PNPLA7: variants seen among roughly 807,000 people sequenced by gnomAD.
PNPLA7 encodes patatin-like phospholipase domain-containing protein 7.
Under a neutral mutation model 161.7 loss-of-function variants are expected in PNPLA7, and 153 were observed. The ratio of observed to expected loss-of-function variants is 0.95; its 90% CI spans 0.83 to 1.08. The LOEUF (loss-of-function observed/expected upper bound fraction) is 1.08. Among genes scored for constraint, PNPLA7 ranks in the 50% least tolerant of loss-of-function variants. The pLI, the probability that PNPLA7 is intolerant of heterozygous loss-of-function variation, is 0.00. For missense variants in PNPLA7, 1,739 were observed against 1,856.6 expected (o/e 0.94, Z 1.16); for synonymous variants, 809 against 782.1 (o/e 1.03, Z -0.57).
chr9:137,500,782 G>A lies in PNPLA7; in HGVS notation c.1666C>T (p.Leu556=). The A allele has an allele frequency of 6.2e-7, 1 of 1,611,904 alleles. No individual in the cohort carries two copies. ...AGAGGCTCCCCGGTGAGCACGGCCA[G>A]CTGGCCCACCATCTCCCCGGGGCGC... The part of the protein sequence containing the change: ...LTRPGEMVGQ[L]AVLTGEPLIF... Residue 556 remains leucine, a synonymous_variant, in exon 16 of 35, where the codon CTG becomes TTG. Coordinates refer to ENST00000406427, the MANE Select transcript of PNPLA7 (RefSeq NM_001098537.3). The surrounding 1 kb of genome is among the most constrained non-coding windows in gnomAD (Gnocchi z 5.5).
At chr9:137,528,276 T>A (rs1835400401) in intron 8 of PNPLA7, among the ~76,000 whole-genome samples, 1 of 152,174 alleles carries the variant, frequency 6.6e-6, no homozygotes, top group Non-Finnish European at 1.5e-5. Flanking sequence ...TCCATCTGCT[T>A]GCTTTGGGTT....
chr9:137,545,688 T>C (rs142100633), intron 4 of PNPLA7, among the ~76,000 whole-genome samples: 2,155 of 152,332 alleles, frequency 0.014, 35 homozygotes, highest in African/African-American at 0.048. Context: ...ATCCTCACTC[T>C]ATAATCATAG....
At position 137,490,012 on chromosome 9, in the gene PNPLA7, CCCA is replaced by C; in HGVS notation, c.2197+2998_2197+3000del. 6.6e-6 allele frequency among the ~76,000 whole-genome samples: 1 copy of C among 151,158 alleles called. No individual in the cohort carries two copies. The highest frequency in any genetic ancestry group is 1.5e-5 in the Non-Finnish European group (1 of 68,026). On this transcript the variant is annotated intron_variant, in intron 20 of 34. Transcript: ENST00000406427. This position sits in a 1 kb window ranked among gnomAD's most constrained non-coding sequence, Gnocchi z 4.1. ...ACCTACGGGTCCAAGACGAAGAAAC[CCCA>C]AACAGGACAGATCCAAAGTATTCAT...
In PNPLA7 at chr9:137,464,127, G is replaced by A. The variant is rs1266596136; in HGVS notation, c.3225C>T (p.Asp1075=). The change falls in exon 28 of 35, where the codon GAC becomes GAT. Residue 1075 remains aspartate, a splice_region_variant and synonymous_variant. Transcript: ENST00000406427. ...ITASAMRVHT[D]GSLWWYVRAS... ...GCCCTGCGCAGCAGGAGTGCTCACC[G>A]TCGGTGTGGACCCGCATGGCCGAGG... 3.7e-6 allele frequency: 6 copies of A among 1,613,362 alleles called. No individual in the cohort carries two copies. Among genetic ancestry groups the A allele is most frequent in the Middle Eastern group, 1.7e-4 (1 of 6,042 alleles).
chr9:137,505,901 C>T, intron 13 of PNPLA7, 82 bp downstream of exon 13: 1 of 1,528,814 alleles, frequency 6.5e-7, no homozygotes, highest in East Asian at 2.3e-5. Flanking sequence ...GACACCAAAG[C>T]CGGCGGCGCC....
Position 137,543,815 on chromosome 9 carries a change from C to A in PNPLA7, c.274G>T (p.Val92Leu). The change falls in exon 5 of 35, where the codon GTG (valine) becomes TTG (leucine). Residue 92 changes from valine to leucine, a missense_variant and splice_region_variant. Physicochemically the swap from Val to Leu is conservative, Grantham distance 32. Around this residue, in one of 6 missense-constraint regions of PNPLA7, gnomAD observed 209 missense variants for 252.8 expected, o/e 0.83. Coordinates refer to ENST00000406427, the MANE Select transcript of PNPLA7 (RefSeq NM_001098537.3). This position sits in a 1 kb window ranked among gnomAD's most constrained non-coding sequence, Gnocchi z 6.9. ...MFYGRKIMRK[V>L]TTLPNTLVEN... ...ACAAGGGTGTTGGGGAGTGTGGTCA[C>A]CTGCAGAGCCAAGGGAGAGACCAGC... is the stretch of plus-strand genomic sequence containing the variant. The A allele has an allele frequency of 6.2e-7, 1 of 1,612,990 alleles. No individual in the cohort carries two copies. The highest frequency in any genetic ancestry group is 8.5e-7 in the Non-Finnish European group (1 of 1,179,340).
rs778762215 is a variant in PNPLA7, at chr9:137,464,387, C to T, written c.3109G>A (p.Gly1037Ser). ...YPITSMFSGA[G>S]FNSSIFSVFK... is the part of the protein sequence containing the mutation. ...ACGCTGAAGATGCTGCTGTTGAAGCCGGCTCCGGAGAACATGGACGTGATG... is the reference window on the plus strand; with the variant it reads ...ACGCTGAAGATGCTGCTGTTGAAGCTGGCTCCGGAGAACATGGACGTGATG... The change falls in exon 27 of 35, where the codon GGC becomes AGC. Residue 1037 changes from glycine (G) to serine (S), a missense_variant. This residue lies in a region of PNPLA7 where 703 missense variants were observed against 694.6 expected (regional missense o/e 1.01). Transcript: ENST00000406427. 22 of 1,613,868 alleles carry T rather than the reference C, an allele frequency of 1.4e-5. No individual in the cohort carries two copies. Among genetic ancestry groups the T allele is most frequent in the Non-Finnish European group, 1.6e-5 (19 of 1,180,026 alleles).
At chr9:137,494,434 T>C (rs1021055401) in intron 19 of PNPLA7, among the ~76,000 whole-genome samples, 4 of 152,154 alleles carry the variant, frequency 2.6e-5, no homozygotes, top group Non-Finnish European at 4.4e-5. Flanking sequence ...TGGGCTCTAA[T>C]CTTCACCTCC....
At chr9:137,536,461 GC>G (rs1349489573) in intron 8 of PNPLA7, among the ~76,000 whole-genome samples, 1 of 152,082 alleles carries the variant, frequency 6.6e-6, no homozygotes, top group Non-Finnish European at 1.5e-5. Flanking sequence ...CATTCACGGA[GC>G]CGCTGGTTCA....
chr9:137,466,975 A>C (rs1240026903), intron 26 of PNPLA7, among the ~76,000 whole-genome samples: 3 of 147,494 alleles, frequency 2.0e-5, no homozygotes. Flanking sequence ...ACCGCCTCCC[A>C]CCACCGTCTC....
chr9:137,496,141 GT>G (rs55854515), intron 18 of PNPLA7, among the ~76,000 whole-genome samples: 69,540 of 137,678 alleles, frequency 0.51, 17,300 homozygotes, highest in East Asian at 0.77. Flanking sequence ...GTTTTTTTTT[GT>G]TTTTTTTTTT....
Position 137,515,512 on chromosome 9 carries a change from C to G in PNPLA7, c.1092G>C (p.Gly364=). The part of the protein sequence containing the change: ...RLQESCDSDH[G]GGRPAAAGPL... ...GCCCAGCAGCTGCCGGGCGGCCGCC[C>G]CCGTGATCTGCTGGGGAGGCAGCCG... The change falls in exon 12 of 35, where the codon GGG becomes GGC. Residue 364 remains glycine (G), a synonymous_variant. Coordinates refer to ENST00000406427, the MANE Select transcript of PNPLA7 (RefSeq NM_001098537.3). 1 of 1,553,826 alleles carries G rather than the reference C, an allele frequency of 6.4e-7. No individual in the cohort carries two copies. Among genetic ancestry groups the G allele is most frequent in the South Asian group, 1.2e-5 (1 of 82,778 alleles).
chr9:137,526,365 C>T (rs2132518974), intron 8 of PNPLA7, among the ~76,000 whole-genome samples: 1 of 152,314 alleles, frequency 6.6e-6, no homozygotes, highest in South Asian at 2.1e-4. Flanking sequence ...ACAAGCTCCG[C>T]CTCCCGGGTT....
At position 137,493,106 on chromosome 9, in the gene PNPLA7, G is replaced by T. The variant is rs535023299; in HGVS notation, c.2128-24C>A. 2.5e-6 allele frequency: 4 copies of T among 1,612,970 alleles called. No individual in the cohort carries two copies. The Admixed American group carries it at 6.7e-5, about 27-fold the overall frequency. ...ACCTGCGGGCAGACACAGGAGCCAA[G>T]AGCCACACGTTTTAAACTGAGAAAC... On this transcript the variant is annotated intron_variant, in intron 19 of 34. Coordinates refer to ENST00000406427, the MANE Select transcript of PNPLA7 (RefSeq NM_001098537.3).
chr9:137,534,551 T>C (rs552526991), intron 8 of PNPLA7, among the ~76,000 whole-genome samples: 60 of 152,308 alleles, frequency 3.9e-4, no homozygotes, highest in African/African-American at 1.4e-3. Flanking sequence ...CGCAGATTCC[T>C]TTCTGAGAAG....
chr9:137,523,282 G>A lies in PNPLA7; in HGVS notation c.748-425C>T, dbSNP rs1321930020. On this transcript the variant is annotated intron_variant, in intron 8 of 34. Coordinates refer to ENST00000406427, the MANE Select transcript of PNPLA7 (RefSeq NM_001098537.3). This position sits in a 1 kb window ranked among gnomAD's most constrained non-coding sequence, Gnocchi z 4.4. ...GAGCGGGCTTCCTAAAAAGGCCACC[G>A]AGAGGGTCAGGAGCCACCACTGTCA... 1.3e-5 allele frequency among the ~76,000 whole-genome samples: 2 copies of A among 152,152 alleles called. No individual in the cohort carries two copies. The highest frequency in any genetic ancestry group is 2.4e-5 in the African/African-American group (1 of 41,434).
At chr9:137,509,842 A>T (rs1227950698) in intron 12 of PNPLA7, 1 of 410,464 alleles carries the variant, frequency 2.4e-6, no homozygotes, top group Non-Finnish European at 5.0e-6. Flanking sequence ...AATATAAAAC[A>T]AGAATAGTTA....
Position 137,497,192 on chromosome 9 carries a change from C to T in PNPLA7, c.2008G>A (p.Gly670Ser), listed in dbSNP as rs1024277614. Residue 670 changes from glycine to serine, a missense_variant, in exon 18 of 35, where the codon GGC (glycine) becomes AGC (serine). Physicochemically the swap from Gly to Ser is moderately conservative, Grantham distance 56. Around this residue, in one of 6 missense-constraint regions of PNPLA7, gnomAD observed 481 missense variants for 450.0 expected, o/e 1.07. Coordinates refer to ENST00000406427, the MANE Select transcript of PNPLA7 (RefSeq NM_001098537.3). ...AGEYGRGDLV[G>S]VVETLTHQAR... ...GAGCAGGGCCCAGCACCTACCACGC[C>T]GACGAGGTCTCCTCGGCCGTACTCC... The T allele has an allele frequency of 2.5e-6, 4 of 1,577,464 alleles. No homozygotes were observed. The highest frequency in any genetic ancestry group is 1.4e-5 in the African/African-American group (1 of 73,180).
At chr9:137,505,174 C>T (rs191514937) in intron 14 of PNPLA7, among the ~76,000 whole-genome samples, 4 of 106,110 alleles carry the variant, frequency 3.8e-5, no homozygotes, top group Middle Eastern at 9.4e-3. Context: ...GGCGATACTG[C>T]GAGACTCTGT....
Sources: allele counts gnomAD v4.1 joint callset (sites outside exome capture counted in the v4.1 genomes callset), GRCh38; gene constraint gnomAD v4.1.1; regional missense constraint gnomAD v4.1.1; non-coding constraint Gnocchi (gnomAD v3.1); transcripts MANE v1.5; gene names NCBI Gene and HGNC (gene_info 2026-07-23, HGNC 2026-07-21).